The following ITPR1 variants were observed in gnomAD, a reference collection of about 807,000 sequenced individuals.
The protein encoded by ITPR1 is inositol 1,4,5-trisphosphate-gated calcium channel ITPR1.
A neutral mutation model predicts 318.4 loss-of-function variants in ITPR1; 96 were observed. The observed-to-expected ratio is 0.30, with a 90% CI of 0.26 to 0.36. The LOEUF (loss-of-function observed/expected upper bound fraction) is 0.36. Ranked by LOEUF, ITPR1 falls within the 10% of genes least tolerant of loss-of-function variation. The pLI is 1.00. For synonymous variants in ITPR1, 1,312 were observed against 1,289.9 expected (o/e 1.02, Z -0.37); for missense variants, 2,440 against 3,460.2 (o/e 0.71, Z 7.40).
chr3:4,577,100 G>A (rs184050760), intron 4 of ITPR1, among the ~76,000 whole-genome samples: 62 of 152,262 alleles, frequency 4.1e-4, no homozygotes, highest in Non-Finnish European at 2.8e-4. Flanking sequence ...TGTTCCCCAC[G>A]CTGCCAGTTA....
chr3:4,597,438 C>T (rs1041832329), intron 4 of ITPR1, among the ~76,000 whole-genome samples: 1 of 152,126 alleles, frequency 6.6e-6, no homozygotes, highest in Non-Finnish European at 1.5e-5. Context: ...TTTGAGCCCC[C>T]ACGGAGACTG....
chr3:4,634,601 CTG>C (rs2093121476), intron 5 of ITPR1, among the ~76,000 whole-genome samples: 1 of 152,040 alleles, frequency 6.6e-6, no homozygotes, highest in Non-Finnish European at 1.5e-5. Context: ...ATTCCAAAAT[CTG>C]TGAGTAGGAA....
At chr3:4,553,974 C>G (rs564963846) in intron 4 of ITPR1, among the ~76,000 whole-genome samples, 2 of 150,746 alleles carry the variant, frequency 1.3e-5, no homozygotes, top group African/African-American at 4.9e-5. Context: ...AACTCCTGGG[C>G]TCAAGCAGTC....
chr3:4,813,308 G>T (rs2049061614), intron 57 of ITPR1, 74 bp downstream of exon 57: 1 of 1,023,936 alleles, frequency 9.8e-7, no homozygotes, highest in Admixed American at 2.2e-5. Flanking sequence ...AGGTGATGTT[G>T]GAAGAAGATT....
At chr3:4,554,295 G>A (rs2085890898) in intron 4 of ITPR1, among the ~76,000 whole-genome samples, 1 of 152,166 alleles carries the variant, frequency 6.6e-6, no homozygotes, top group Admixed American at 6.6e-5. Context: ...TCTTTATTTT[G>A]TCAGAAATGA....
chr3:4,565,444 T>A (rs1197422661), intron 4 of ITPR1, among the ~76,000 whole-genome samples: 1 of 152,232 alleles, frequency 6.6e-6, no homozygotes, highest in African/African-American at 2.4e-5. Context: ...TGAGTTTATG[T>A]AATACGCAGC....
intron 56 of ITPR1, among the ~76,000 whole-genome samples, chr3:4,812,337 C>G (rs1040679117): frequency 3.3e-5 from 5 of 152,116 alleles, no homozygotes; most frequent in Non-Finnish European, 7.4e-5. Context: ...TATGCCTGGT[C>G]TTATGTTTTC....
In ITPR1 at chr3:4,537,935, C is replaced by T. The variant is rs146960555; in HGVS notation, c.163+16841C>T. ...TTTTTTTTCTTGAATAAGCACTGAC[C>T]CATGTTTTTTCTGTCTTATTACTCT... is the stretch of plus-strand genomic sequence containing the variant. On this transcript the variant is annotated intron_variant, in intron 4 of 61. Coordinates refer to ENST00000649015, the MANE Select transcript of ITPR1 (RefSeq NM_001378452.1). Among the ~76,000 whole-genome samples the T allele has an allele frequency of 3.1e-3, 474 of 151,872 alleles. 3 individuals are homozygous for T. Among genetic ancestry groups the T allele is most frequent in the African/African-American group, 0.011 (464 of 41,422 alleles).
At chr3:4,674,169 A>G (rs895910611) in intron 21 of ITPR1, 33 bp from the exon 22 acceptor site, 3 of 1,528,234 alleles carry the variant, frequency 2.0e-6, no homozygotes, top group Non-Finnish European at 2.6e-6. Flanking sequence ...ATAACTTGAA[A>G]TTTTGTTTCC....
intron 4 of ITPR1, among the ~76,000 whole-genome samples, chr3:4,596,742 C>T (rs2090857871): frequency 6.6e-6 from 1 of 152,176 alleles, no homozygotes; most frequent in African/African-American, 2.4e-5. Context: ...CCCACAGTCA[C>T]CTTTCATTTG....
chr3:4,679,220 G>A (rs2094247866), intron 24 of ITPR1, among the ~76,000 whole-genome samples: 1 of 152,168 alleles, frequency 6.6e-6, no homozygotes. Flanking sequence ...AGTAGATGAA[G>A]GCAAGACTGA....
chr3:4,598,621 T>TA (rs1215204728), intron 4 of ITPR1, among the ~76,000 whole-genome samples: 4 of 151,870 alleles, frequency 2.6e-5, no homozygotes, highest in African/African-American at 4.8e-5. Flanking sequence ...GACCCTGTCT[T>TA]AAAAAAAATG....
At chr3:4,815,019 G>C (rs1313710612) in intron 58 of ITPR1, 34 bp from the exon 59 acceptor site, 1 of 1,582,782 alleles carries the variant, frequency 6.3e-7, no homozygotes, top group South Asian at 1.2e-5. Context: ...GGTCGCAAGG[G>C]ACCCAGACTG....
At chr3:4,829,713 G>A (rs2050315338) in intron 60 of ITPR1, among the ~76,000 whole-genome samples, 1 of 152,064 alleles carries the variant, frequency 6.6e-6, no homozygotes, top group East Asian at 1.9e-4. Context: ...TGATATTAAT[G>A]TCCCTCCATC....
intron 41 of ITPR1, among the ~76,000 whole-genome samples, chr3:4,726,222 G>T (rs988093702): frequency 1.3e-5 from 2 of 151,722 alleles, no homozygotes; most frequent in Non-Finnish European, 2.9e-5. Context: ...TAGAGATGGG[G>T]TTTTGCCGTG....
At chr3:4,670,397 G>T (rs771950705) in intron 19 of ITPR1, among the ~76,000 whole-genome samples, 22 of 152,168 alleles carry the variant, frequency 1.4e-4, no homozygotes, top group African/African-American at 3.9e-4. Flanking sequence ...GTAATTCTTT[G>T]TTGTGGGGCT....
At chr3:4,761,505 C>T (rs1165960516) in intron 44 of ITPR1, among the ~76,000 whole-genome samples, 1 of 152,146 alleles carries the variant, frequency 6.6e-6, no homozygotes, top group African/African-American at 2.4e-5. Flanking sequence ...TTTACGCAGC[C>T]CACTGTTGAT....
intron 60 of ITPR1, among the ~76,000 whole-genome samples, chr3:4,830,339 C>A (rs1430707988): frequency 6.6e-6 from 1 of 151,958 alleles, no homozygotes; most frequent in African/African-American, 2.4e-5. Flanking sequence ...ATTTTTTCAC[C>A]AAAACCAACA....
rs75039476 is a variant in ITPR1, at chr3:4,748,109, T to C, written c.5544+12755T>C. 9.8e-5 allele frequency among the ~76,000 whole-genome samples: 15 copies of C among 152,308 alleles called. No individual in the cohort carries two copies. In the East Asian group the frequency reaches 2.9e-3, roughly 29 times the overall value. Reference sequence around the variant, plus strand: ...TCTGGGCTACATGGAATAGTCCCAATTGCAGATGAGGAAACTGAGTCTGAA... The same window carrying C: ...TCTGGGCTACATGGAATAGTCCCAACTGCAGATGAGGAAACTGAGTCTGAA... On this transcript the variant is annotated intron_variant, in intron 44 of 61. Coordinates refer to ENST00000649015, the MANE Select transcript of ITPR1 (RefSeq NM_001378452.1).
Sources: allele counts gnomAD v4.1 joint callset (sites outside exome capture counted in the v4.1 genomes callset), GRCh38; gene constraint gnomAD v4.1.1; transcripts MANE v1.5; gene names NCBI Gene and HGNC (gene_info 2026-07-23, HGNC 2026-07-21).